Variants in ARPP21 observed in about 807,000 individuals in gnomAD.
The protein encoded by ARPP21 is cAMP-regulated phosphoprotein 21.
A neutral mutation model predicts 113.2 loss-of-function variants in ARPP21; 69 were observed. That is an observed-to-expected ratio of 0.61 (90% CI 0.50 to 0.74). The LOEUF (loss-of-function observed/expected upper bound fraction) is 0.74. Ranked by LOEUF, ARPP21 falls within the 30% of genes least tolerant of loss-of-function variation. The probability of loss-of-function intolerance (pLI) is 0.00; values close to 1 mark genes in which losing one functional copy is unlikely to be tolerated. For synonymous variants in ARPP21, 368 were observed against 375.5 expected (o/e 0.98, Z 0.23); for missense variants, 1,070 against 1,037.4 (o/e 1.03, Z -0.43).
At chr3:35,751,585 AT>A (rs1343338598) in intron 19 of ARPP21, among the ~76,000 whole-genome samples, 1 of 152,248 alleles carries the variant, frequency 6.6e-6, no homozygotes, top group East Asian at 1.9e-4. Flanking sequence ...TTTCACTTAC[AT>A]TTAAGATAAA....
At chr3:35,696,100 C>T (rs573508856) in intron 9 of ARPP21, among the ~76,000 whole-genome samples, 1 of 151,520 alleles carries the variant, frequency 6.6e-6, no homozygotes, top group Non-Finnish European at 1.5e-5. Context: ...GCTCTTAGAG[C>T]TTTAGAACAT....
At chr3:35,676,386 T>C (rs943005104) in intron 1 of ARPP21, among the ~76,000 whole-genome samples, 1 of 152,050 alleles carries the variant, frequency 6.6e-6, no homozygotes, top group African/African-American at 2.4e-5. Context: ...TTCTACATGT[T>C]TATAAAATGT....
At chr3:35,644,174 G>C (rs1225047422) in intron 1 of ARPP21, among the ~76,000 whole-genome samples, 1 of 151,884 alleles carries the variant, frequency 6.6e-6, no homozygotes, top group Non-Finnish European at 1.5e-5. Flanking sequence ...TCTGTAACTA[G>C]ATTTGTTTGC....
At position 35,682,852 on chromosome 3, in the gene ARPP21, G is replaced by T. The variant is rs77957430; in HGVS notation, c.134G>T (p.Arg45Leu). ...TATTTTCTTTCCAACATACAGAGGCGGCTGGAGGCTCAGAATCAAGAAAGA... is the reference window on the plus strand; with the variant it reads ...TATTTTCTTTCCAACATACAGAGGCTGCTGGAGGCTCAGAATCAAGAAAGA... ...DEEEKLELQRRLEAQNQERRK... is the reference protein window; with the variant it reads ...DEEEKLELQRLLEAQNQERRK... Residue 45 changes from arginine (R) to leucine (L), a missense_variant, in exon 4 of 21, where the codon CGG becomes CTG. Coordinates refer to ENST00000684406, the MANE Select transcript of ARPP21 (RefSeq NM_001385562.1). 1 of 1,607,634 alleles carries T rather than the reference G, an allele frequency of 6.2e-7. No homozygotes were observed. Among genetic ancestry groups the T allele is most frequent in the African/African-American group, 1.3e-5 (1 of 74,488 alleles).
chr3:35,678,587 T>C (rs6798909), intron 1 of ARPP21, among the ~76,000 whole-genome samples: 6,661 of 152,028 alleles, frequency 0.044, 209 homozygotes, highest in African/African-American at 0.079. Context: ...TAAAGTCTAA[T>C]CATCCATCTT....
chr3:35,785,506 A>T (rs907403028), intron 19 of ARPP21, among the ~76,000 whole-genome samples: 2 of 123,346 alleles, frequency 1.6e-5, no homozygotes, highest in Non-Finnish European at 3.3e-5. Flanking sequence ...GTTTGCCCTG[A>T]TTTAAAGAAA....
intron 5 of ARPP21, chr3:35,685,724 A>C (rs1478649919): frequency 5.1e-6 from 5 of 982,030 alleles, no homozygotes; most frequent in Non-Finnish European, 6.0e-6. Context: ...TTGCTTTTCT[A>C]ATGTTATACT....
chr3:35,757,734 G>A (rs549464682), intron 19 of ARPP21, among the ~76,000 whole-genome samples: 1 of 152,154 alleles, frequency 6.6e-6, no homozygotes, highest in Admixed American at 6.5e-5. Flanking sequence ...TTCTCTTTCT[G>A]CCTTTGAGCC....
At chr3:35,772,029 G>C (rs1053091299) in intron 19 of ARPP21, among the ~76,000 whole-genome samples, 1 of 151,980 alleles carries the variant, frequency 6.6e-6, no homozygotes. Flanking sequence ...TATCAGATTT[G>C]GTTCAGGCTT....
chr3:35,691,696 G>A (rs532085520), intron 9 of ARPP21, among the ~76,000 whole-genome samples: 1 of 151,636 alleles, frequency 6.6e-6, no homozygotes, highest in East Asian at 2.0e-4. Flanking sequence ...ATAATAACAT[G>A]AGTAGTCATT....
chr3:35,740,093 C>T (rs1351503804), intron 18 of ARPP21, among the ~76,000 whole-genome samples: 2 of 152,182 alleles, frequency 1.3e-5, no homozygotes, highest in East Asian at 3.8e-4. Context: ...CCTTTTCTCT[C>T]CCTAAGGGGA....
At chr3:35,775,349 T>C (rs1250513926) in intron 19 of ARPP21, among the ~76,000 whole-genome samples, 1 of 152,214 alleles carries the variant, frequency 6.6e-6, no homozygotes, top group African/African-American at 2.4e-5. Flanking sequence ...CTAAGTTCAT[T>C]TCAACAAAAC....
intron 17 of ARPP21, 81 bp downstream of exon 17, chr3:35,738,399 T>G: frequency 8.3e-7 from 1 of 1,204,108 alleles, no homozygotes; most frequent in Non-Finnish European, 1.2e-6. Context: ...TGCCACTGGC[T>G]GACACTGGGG....
intron 9 of ARPP21, among the ~76,000 whole-genome samples, chr3:35,695,433 C>T (rs754063801): frequency 5.9e-5 from 9 of 151,468 alleles, no homozygotes; most frequent in Non-Finnish European, 8.9e-5. Flanking sequence ...GATTCATGTC[C>T]TCAAACGTTT....
At chr3:35,755,453 G>A (rs2095539138) in intron 19 of ARPP21, among the ~76,000 whole-genome samples, 1 of 151,858 alleles carries the variant, frequency 6.6e-6, no homozygotes, top group Admixed American at 6.6e-5. Context: ...AACTCAGGAT[G>A]CTGCTCATGT....
intron 19 of ARPP21, among the ~76,000 whole-genome samples, chr3:35,747,516 G>A (rs1447904358): frequency 2.0e-5 from 3 of 152,160 alleles, no homozygotes; most frequent in Non-Finnish European, 4.4e-5. Flanking sequence ...TCCGTTTATT[G>A]CCAATCTGGC....
chr3:35,696,739 A>G (rs142283720), intron 9 of ARPP21, among the ~76,000 whole-genome samples: 1 of 151,714 alleles, frequency 6.6e-6, no homozygotes, highest in Admixed American at 6.6e-5. Context: ...TTTACTCTAC[A>G]TAATGTTACA....
At chr3:35,707,621 C>G (rs1039505316) in intron 10 of ARPP21, 1 of 440,638 alleles carries the variant, frequency 2.3e-6, no homozygotes, top group Non-Finnish European at 4.6e-6. Flanking sequence ...AGTCTTTTAT[C>G]CCCTCTCCTT....
chr3:35,748,067 G>GAAGGAAGAAAGA (rs1180382135), intron 19 of ARPP21, among the ~76,000 whole-genome samples: 131 of 86,954 alleles, frequency 1.5e-3, no homozygotes, highest in East Asian at 7.7e-3. Flanking sequence ...AAGAAGGAAG[G>GAAGGAAGAAAGA]AAGAAAGAAA....
Sources: allele counts gnomAD v4.1 joint callset (sites outside exome capture counted in the v4.1 genomes callset), GRCh38; gene constraint gnomAD v4.1.1; transcripts MANE v1.5; gene names NCBI Gene and HGNC (gene_info 2026-07-23, HGNC 2026-07-21).